KCNF1: variants seen among roughly 807,000 people sequenced by gnomAD.
KCNF1 encodes voltage-gated potassium channel regulatory subunit KCNF1.
Under a neutral mutation model 28.6 loss-of-function variants are expected in KCNF1, and 9 were observed. The observed-to-expected ratio is 0.31, with a 90% CI of 0.19 to 0.55. KCNF1 has a LOEUF of 0.55. Ranked by LOEUF, KCNF1 falls within the 20% of genes least tolerant of loss-of-function variation. The pLI is 0.93. For synonymous variants in KCNF1, 328 were observed against 299.6 expected (o/e 1.09, Z -0.98); for missense variants, 461 against 684.2 (o/e 0.67, Z 3.64).
At position 10,914,108 on chromosome 2, in the gene KCNF1, G is replaced by A. The variant is rs1572752608; in HGVS notation, c.*197G>A. 1 of 579,288 alleles carries A rather than the reference G, an allele frequency of 1.7e-6. No individual in the cohort carries two copies. Among genetic ancestry groups the A allele is most frequent in the Non-Finnish European group, 2.8e-6 (1 of 351,592 alleles). The allele number at this position is 579,288 out of a possible 1,614,324, so 35.9% of individuals were successfully genotyped here. ...TTGCCTGCTGTCCAGGAGCCCGGGAGGGAGGGGTGTGCAGGAGCCGCAGGG... is the reference window on the plus strand; with the variant it reads ...TTGCCTGCTGTCCAGGAGCCCGGGAAGGAGGGGTGTGCAGGAGCCGCAGGG... On this transcript the variant is annotated 3_prime_UTR_variant, in exon 1 of 1. Coordinates refer to ENST00000295082, the MANE Select transcript of KCNF1 (RefSeq NM_002236.5).
rs1468403114 is a variant in KCNF1 at position 10,913,446 on chromosome 2, C to T, written c.1020C>T (p.Ala340=). 5 of 1,614,060 alleles carry T rather than the reference C, an allele frequency of 3.1e-6. No individual in the cohort carries two copies. Among genetic ancestry groups the T allele is most frequent in the Non-Finnish European group, 3.4e-6 (4 of 1,180,044 alleles). ...CAGTGGGTATCTTCGTCTTCTCTGC[C>T]CTGGGCTACACCATGGAGCAGAGCC... ...YLAVGIFVFS[A]LGYTMEQSHP... is the part of the protein sequence containing the mutation. The change falls in exon 1 of 1, where the codon GCC becomes GCT. Residue 340 remains alanine (A), a synonymous_variant. Transcript: ENST00000295082. This position sits in a 1 kb window ranked among gnomAD's most constrained non-coding sequence, Gnocchi z 5.5.
rs1273846767 is a variant in KCNF1, at chr2:10,913,308, C to T, written c.882C>T (p.Ile294=). 6.2e-7 allele frequency: 1 copy of T among 1,613,086 alleles called. No homozygotes were observed. Among genetic ancestry groups the T allele is most frequent in the Non-Finnish European group, 8.5e-7 (1 of 1,179,868 alleles). ...NVQQAVQALR[I]MRIARIFKLA... ...AGCAGGCCGTGCAGGCGCTGCGGAT[C>T]ATGCGCATCGCGCGCATCTTCAAGC... The change falls in exon 1 of 1, where the codon ATC becomes ATT. Residue 294 remains isoleucine (I), a synonymous_variant. Coordinates refer to ENST00000295082, the MANE Select transcript of KCNF1 (RefSeq NM_002236.5). This position sits in a 1 kb window ranked among gnomAD's most constrained non-coding sequence, Gnocchi z 5.5.
Position 10,912,339 on chromosome 2 carries a change from G to T in KCNF1, c.-88G>T, listed in dbSNP as rs1383408339. 1.9e-6 allele frequency: 2 copies of T among 1,065,500 alleles called. No homozygotes were observed. Among genetic ancestry groups the T allele is most frequent in the South Asian group, 4.6e-5 (1 of 21,654 alleles). The allele number at this position is 1,065,500 out of a possible 1,614,324, so 66.0% of individuals were successfully genotyped here. A position where few individuals can be genotyped will look rare whatever the true frequency, so the allele number is the denominator to read the frequency against. On this transcript the variant is annotated 5_prime_UTR_variant, in exon 1 of 1. Coordinates refer to ENST00000295082, the MANE Select transcript of KCNF1 (RefSeq NM_002236.5). The surrounding 1 kb of genome is among the most constrained non-coding windows in gnomAD (Gnocchi z 7.9). ...CAGGCTCTCCCCGAGATCAGCGCAC[G>T]GGTGGCACCCGCCGGACCCCCAGCG...
Position 10,912,299 on chromosome 2 carries a change from C to A in KCNF1, c.-128C>A. ...TGCCCGCTGTGACCGCCCTTCCCCG[C>A]AGGCGGGCGCCGGCCAGGCTCTCCC... is the stretch of plus-strand genomic sequence containing the variant. On this transcript the variant is annotated 5_prime_UTR_variant, in exon 1 of 1. Transcript: ENST00000295082. This position sits in a 1 kb window ranked among gnomAD's most constrained non-coding sequence, Gnocchi z 7.9. The A allele has an allele frequency of 1.5e-6, 1 of 684,220 alleles. No individual in the cohort carries two copies. The highest frequency in any genetic ancestry group is 2.0e-6 in the Non-Finnish European group (1 of 512,284). The allele number at this position is 684,220 out of a possible 1,614,324, so 42.4% of individuals were successfully genotyped here. A position where few individuals can be genotyped will look rare whatever the true frequency, so the allele number is the denominator to read the frequency against.
At position 10,912,898 on chromosome 2, in the gene KCNF1, G is replaced by A. The variant is rs773536391; in HGVS notation, c.472G>A (p.Glu158Lys). The A allele has an allele frequency of 6.2e-6, 10 of 1,611,400 alleles. No individual in the cohort carries two copies. Among genetic ancestry groups the A allele is most frequent in the Non-Finnish European group, 8.5e-6 (10 of 1,179,660 alleles). The change falls in exon 1 of 1, where the codon GAG becomes AAG. Residue 158 changes from glutamate to lysine, a missense_variant. This residue lies in a region of KCNF1 where 193 missense variants were observed against 280.6 expected (regional missense o/e 0.69). Coordinates refer to ENST00000295082, the MANE Select transcript of KCNF1 (RefSeq NM_002236.5). This position sits in a 1 kb window ranked among gnomAD's most constrained non-coding sequence, Gnocchi z 7.9. The stretch of plus-strand genomic sequence containing the variant: ...GGACGACCTGGGCGTGGACGCAGCC[G>A]AGGGCCGCTGGCGCCGCTGCCAGAA... The part of the protein sequence containing the change: ...ILDDLGVDAA[E>K]GRWRRCQKCV...
At position 10,913,356 on chromosome 2, in the gene KCNF1, G is replaced by A. The variant is rs1661573147; in HGVS notation, c.930G>A (p.Leu310=). The change falls in exon 1 of 1, where the codon CTG becomes CTA. Residue 310 remains leucine (L), a synonymous_variant. Coordinates refer to ENST00000295082, the MANE Select transcript of KCNF1 (RefSeq NM_002236.5). The surrounding 1 kb of genome is among the most constrained non-coding windows in gnomAD (Gnocchi z 5.5). ...AGCTGGCCCGCCACTCCTCGGGCCTGCAGACCCTCACCTATGCCCTCAAGC... is the reference window on the plus strand; with the variant it reads ...AGCTGGCCCGCCACTCCTCGGGCCTACAGACCCTCACCTATGCCCTCAAGC... ...IFKLARHSSG[L]QTLTYALKRS... 8 of 1,613,768 alleles carry A rather than the reference G, an allele frequency of 5.0e-6. No individual in the cohort carries two copies. Among genetic ancestry groups the A allele is most frequent in the African/African-American group, 1.3e-5 (1 of 74,950 alleles).
rs774379834 is a variant in KCNF1, at chr2:10,912,910, C to A, written c.484C>A (p.Arg162Ser). 23 of 1,610,368 alleles carry A rather than the reference C, an allele frequency of 1.4e-5. No homozygotes were observed. Among genetic ancestry groups the A allele is most frequent in the East Asian group, 2.2e-5 (1 of 44,862 alleles). ...CGTGGACGCAGCCGAGGGCCGCTGGCGCCGCTGCCAGAAGTGCGTCTGGAA... is the reference window on the plus strand; with the variant it reads ...CGTGGACGCAGCCGAGGGCCGCTGGAGCCGCTGCCAGAAGTGCGTCTGGAA... ...LGVDAAEGRW[R>S]RCQKCVWKFL... Residue 162 changes from arginine (R) to serine (S), a missense_variant, in exon 1 of 1, where the codon CGC (arginine) becomes AGC (serine). Arg to Ser is a moderately radical substitution (Grantham distance 110). Transcript: ENST00000295082. The surrounding 1 kb of genome is among the most constrained non-coding windows in gnomAD (Gnocchi z 7.9).
In KCNF1 at chr2:10,913,826, G is replaced by A. The variant is rs751488924; in HGVS notation, c.1400G>A (p.Arg467Gln). The A allele has an allele frequency of 5.8e-6, 9 of 1,562,710 alleles. No homozygotes were observed. The South Asian group carries it at 6.1e-5, about 11-fold the overall frequency. The change falls in exon 1 of 1, where the codon CGG becomes CAG. Residue 467 changes from arginine to glutamine, a missense_variant. Coordinates refer to ENST00000295082, the MANE Select transcript of KCNF1 (RefSeq NM_002236.5). This position sits in a 1 kb window ranked among gnomAD's most constrained non-coding sequence, Gnocchi z 5.5. ...AGKEAPSCSS[R>Q]LKLSHSDTFI... ...AAGGAGGCGCCGAGCTGCAGCAGCCGGCTGAAGCTCTCCCACAGCGACACC... is the reference window on the plus strand; with the variant it reads ...AAGGAGGCGCCGAGCTGCAGCAGCCAGCTGAAGCTCTCCCACAGCGACACC...
chr2:10,913,178 C>T lies in KCNF1; in HGVS notation c.752C>T (p.Ala251Val), dbSNP rs746144615. ...LFSSPNKLHFALSFMNIVDVL... is the reference protein window; with the variant it reads ...LFSSPNKLHFVLSFMNIVDVL... ...TCGTCACCCAACAAGCTGCACTTCG[C>T]GCTGTCCTTCATGAACATTGTGGAC... The change falls in exon 1 of 1, where the codon GCG (alanine) becomes GTG (valine). Residue 251 changes from alanine to valine, a missense_variant. Around this residue, in one of 4 missense-constraint regions of KCNF1, gnomAD observed 115 missense variants for 261.6 expected, o/e 0.44. Coordinates refer to ENST00000295082, the MANE Select transcript of KCNF1 (RefSeq NM_002236.5). The surrounding 1 kb of genome is among the most constrained non-coding windows in gnomAD (Gnocchi z 5.5). The T allele has an allele frequency of 6.2e-7, 1 of 1,613,404 alleles. No homozygotes were observed. Among genetic ancestry groups the T allele is most frequent in the Non-Finnish European group, 8.5e-7 (1 of 1,180,038 alleles).
chr2:10,913,524 C>A lies in KCNF1; in HGVS notation c.1098C>A (p.Ile366=), dbSNP rs1029236105. ...SIPQSFWWAI[I]TMTTVGYGDI... is the part of the protein sequence containing the mutation. ...CCCAGTCCTTCTGGTGGGCCATCAT[C>A]ACCATGACCACCGTCGGCTACGGCG... Residue 366 remains isoleucine (I), a synonymous_variant, in exon 1 of 1, where the codon ATC becomes ATA. Transcript: ENST00000295082. The surrounding 1 kb of genome is among the most constrained non-coding windows in gnomAD (Gnocchi z 5.5). 1 of 1,614,072 alleles carries A rather than the reference C, an allele frequency of 6.2e-7. No individual in the cohort carries two copies. The highest frequency in any genetic ancestry group is 8.5e-7 in the Non-Finnish European group (1 of 1,180,036).
rs1392117840 is a variant in KCNF1 at position 10,912,209 on chromosome 2, G to A, written c.-218G>A. On this transcript the variant is annotated 5_prime_UTR_variant, in exon 1 of 1. Transcript: ENST00000295082. The surrounding 1 kb of genome is among the most constrained non-coding windows in gnomAD (Gnocchi z 7.9). Reference sequence around the variant, plus strand: ...CCCCCGCGGGCTCGCCCGGGCGCCCGGATGCCAGCCCCGAGCCCCGCCGCC... The same window carrying A: ...CCCCCGCGGGCTCGCCCGGGCGCCCAGATGCCAGCCCCGAGCCCCGCCGCC... 1 of 161,416 alleles carries A rather than the reference G, an allele frequency of 6.2e-6. No homozygotes were observed. Among genetic ancestry groups the A allele is most frequent in the Non-Finnish European group, 1.3e-5 (1 of 77,554 alleles). The allele number at this position is 161,416 out of a possible 1,614,324, so 10.0% of individuals were successfully genotyped here.
Position 10,913,317 on chromosome 2 carries a change from C to T in KCNF1, c.891C>T (p.Ile297=), listed in dbSNP as rs559871658. 5 of 1,612,960 alleles carry T rather than the reference C, an allele frequency of 3.1e-6. No homozygotes were observed. In the African/African-American group the frequency reaches 6.7e-5, roughly 21 times the overall value. Residue 297 remains isoleucine, a synonymous_variant, in exon 1 of 1, where the codon ATC becomes ATT. Coordinates refer to ENST00000295082, the MANE Select transcript of KCNF1 (RefSeq NM_002236.5). This position sits in a 1 kb window ranked among gnomAD's most constrained non-coding sequence, Gnocchi z 5.5. ...TGCAGGCGCTGCGGATCATGCGCAT[C>T]GCGCGCATCTTCAAGCTGGCCCGCC... ...QAVQALRIMR[I]ARIFKLARHS...
rs1437211005 is a variant in KCNF1 at position 10,912,457 on chromosome 2, G to C, written c.31G>C (p.Glu11Gln). Residue 11 changes from glutamate to glutamine, a missense_variant, in exon 1 of 1, where the codon GAG (glutamate) becomes CAG (glutamine). Coordinates refer to ENST00000295082, the MANE Select transcript of KCNF1 (RefSeq NM_002236.5). This position sits in a 1 kb window ranked among gnomAD's most constrained non-coding sequence, Gnocchi z 7.9. Reference protein sequence around the residue: MDGSGERSLPEPGSQSSAASD... With the variant: MDGSGERSLPQPGSQSSAASD... Reference sequence around the variant, plus strand: ...CGGGTCCGGGGAGCGCAGCCTCCCGGAGCCGGGCAGCCAGAGCTCCGCTGC... The same window carrying C: ...CGGGTCCGGGGAGCGCAGCCTCCCGCAGCCGGGCAGCCAGAGCTCCGCTGC... 2 of 1,469,098 alleles carry C rather than the reference G, an allele frequency of 1.4e-6. No individual in the cohort carries two copies. The highest frequency in any genetic ancestry group is 1.8e-6 in the Non-Finnish European group (2 of 1,110,664). The allele number at this position is 1,469,098 out of a possible 1,614,324, so 91.0% of individuals were successfully genotyped here. A position where few individuals can be genotyped will look rare whatever the true frequency, so the allele number is the denominator to read the frequency against.
At position 10,913,741 on chromosome 2, in the gene KCNF1, G is replaced by A. The variant is rs1292006652; in HGVS notation, c.1315G>A (p.Glu439Lys). 3.1e-6 allele frequency: 5 copies of A among 1,613,350 alleles called. No individual in the cohort carries two copies. The highest frequency in any genetic ancestry group is 3.4e-6 in the Non-Finnish European group (4 of 1,179,780). ...GGAACTCAACTCCAGCAGCGGGGGC[G>A]AGGGCAAGACCGGGGGCTCCCGCAG... is the stretch of plus-strand genomic sequence containing the variant. ...LMELNSSSGG[E>K]GKTGGSRSDL... The change falls in exon 1 of 1, where the codon GAG becomes AAG. Residue 439 changes from glutamate to lysine, a missense_variant. By Grantham distance (56) the Glu-to-Lys change is moderately conservative. Transcript: ENST00000295082. The surrounding 1 kb of genome is among the most constrained non-coding windows in gnomAD (Gnocchi z 5.5).
chr2:10,912,785 T>C lies in KCNF1; in HGVS notation c.359T>C (p.Leu120Pro). 6.2e-7 allele frequency: 1 copy of C among 1,614,022 alleles called. No individual in the cohort carries two copies. Among genetic ancestry groups the C allele is most frequent in the Non-Finnish European group, 8.5e-7 (1 of 1,180,032 alleles). The stretch of plus-strand genomic sequence containing the variant: ...GAGATGGACTTCTGGAAGGTGGACC[T>C]CAAGTTCCTGGACGACTGTTGCAAG... ...KNEMDFWKVD[L>P]KFLDDCCKSH... The change falls in exon 1 of 1, where the codon CTC becomes CCC. Residue 120 changes from leucine to proline, a missense_variant. Leu to Pro is a moderately conservative substitution (Grantham distance 98). This residue lies in a region of KCNF1 where 193 missense variants were observed against 280.6 expected (regional missense o/e 0.69). Transcript: ENST00000295082. This position sits in a 1 kb window ranked among gnomAD's most constrained non-coding sequence, Gnocchi z 7.9.
In KCNF1 at chr2:10,913,839, C is replaced by A; in HGVS notation, c.1413C>A (p.Ser471=). Residue 471 remains serine, a synonymous_variant, in exon 1 of 1, where the codon TCC becomes TCA. Transcript: ENST00000295082. The surrounding 1 kb of genome is among the most constrained non-coding windows in gnomAD (Gnocchi z 5.5). The part of the protein sequence containing the change: ...APSCSSRLKL[S]HSDTFIPLLT... ...GCTGCAGCAGCCGGCTGAAGCTCTCCCACAGCGACACCTTCATCCCCCTCC... is the reference window on the plus strand; with the variant it reads ...GCTGCAGCAGCCGGCTGAAGCTCTCACACAGCGACACCTTCATCCCCCTCC... 1 of 1,551,538 alleles carries A rather than the reference C, an allele frequency of 6.4e-7. No homozygotes were observed. Among genetic ancestry groups the A allele is most frequent in the Non-Finnish European group, 8.7e-7 (1 of 1,149,542 alleles).
Position 10,912,379 on chromosome 2 carries a change from G to GGCT in KCNF1, c.-45_-43dup. 8.2e-7 allele frequency: 1 copy of GGCT among 1,217,242 alleles called. No homozygotes were observed. The highest frequency in any genetic ancestry group is 1.0e-6 in the Non-Finnish European group (1 of 976,884). The allele number at this position is 1,217,242 out of a possible 1,614,324, so 75.4% of individuals were successfully genotyped here. A position where few individuals can be genotyped will look rare whatever the true frequency, so the allele number is the denominator to read the frequency against. On this transcript the variant is annotated 5_prime_UTR_variant, in exon 1 of 1. Coordinates refer to ENST00000295082, the MANE Select transcript of KCNF1 (RefSeq NM_002236.5). This position sits in a 1 kb window ranked among gnomAD's most constrained non-coding sequence, Gnocchi z 7.9. ...GACCCCCAGCGGCAGCGGCGGCGGC[G>GGCT]GCTGCAGGGGGCGCGGGGCGGAGGC...
Position 10,912,310 on chromosome 2 carries a change from C to T in KCNF1, c.-117C>T. 2.4e-6 allele frequency: 2 copies of T among 829,798 alleles called. No homozygotes were observed. Among genetic ancestry groups the T allele is most frequent in the Non-Finnish European group, 1.6e-6 (1 of 640,606 alleles). 51.4% of individuals were successfully genotyped at this position (829,798 alleles called of 1,614,324 possible). A position where few individuals can be genotyped will look rare whatever the true frequency, so the allele number is the denominator to read the frequency against. On this transcript the variant is annotated 5_prime_UTR_variant, in exon 1 of 1. Coordinates refer to ENST00000295082, the MANE Select transcript of KCNF1 (RefSeq NM_002236.5). The surrounding 1 kb of genome is among the most constrained non-coding windows in gnomAD (Gnocchi z 7.9). ...ACCGCCCTTCCCCGCAGGCGGGCGCCGGCCAGGCTCTCCCCGAGATCAGCG... is the reference window on the plus strand; with the variant it reads ...ACCGCCCTTCCCCGCAGGCGGGCGCTGGCCAGGCTCTCCCCGAGATCAGCG...
chr2:10,912,952 G>A lies in KCNF1; in HGVS notation c.526G>A (p.Glu176Lys), dbSNP rs1301581394. The A allele has an allele frequency of 1.2e-6, 2 of 1,605,232 alleles. No individual in the cohort carries two copies. The highest frequency in any genetic ancestry group is 2.2e-5 in the East Asian group (1 of 44,850). ...KCVWKFLEKP[E>K]SSCPARVVAV... ...CGTCTGGAAGTTCCTGGAGAAGCCC[G>A]AGTCGTCGTGCCCGGCGCGGGTGGT... Residue 176 changes from glutamate to lysine, a missense_variant, in exon 1 of 1, where the codon GAG becomes AAG. Transcript: ENST00000295082. The surrounding 1 kb of genome is among the most constrained non-coding windows in gnomAD (Gnocchi z 7.9).
Sources: gnomAD v4.1 joint callset for allele counts on GRCh38, gnomAD v4.1.1 for gene constraint, gnomAD v4.1.1 regional missense constraint, Gnocchi (gnomAD v3.1) non-coding constraint, MANE v1.5 for transcripts, NCBI Gene and HGNC (gene_info 2026-07-23, HGNC 2026-07-21) for gene names.